The following ALK variants were observed in gnomAD, a reference collection of about 807,000 sequenced individuals.
The protein encoded by ALK is ALK tyrosine kinase receptor.
ALK carries 74 observed loss-of-function variants against 163.1 expected under a neutral mutation model. The observed-to-expected ratio is 0.45, with a 90% CI of 0.38 to 0.55. The LOEUF (loss-of-function observed/expected upper bound fraction) is 0.55, where lower values mean the gene tolerates loss of function less well. ALK is among the 20% of genes least tolerant of loss of function. The pLI, the probability that ALK is intolerant of heterozygous loss-of-function variation, is 0.00. For synonymous variants in ALK, 960 were observed against 843.2 expected, an observed-to-expected ratio of 1.14 and a Z score of -2.40; for missense variants, 2,063 against 2,105.3, an observed-to-expected ratio of 0.98 and a Z score of 0.39.
intron 4 of ALK, among the ~76,000 whole-genome samples, chr2:29,482,729 G>A (rs1213310936): frequency 4.3e-5 from 5 of 116,866 alleles, no homozygotes; most frequent in Admixed American, 9.1e-5. Context: ...CCGTAGGAGA[G>A]CAAAAACAAC....
chr2:29,864,132 GT>G (rs1187105913), intron 1 of ALK, among the ~76,000 whole-genome samples: 1 of 152,176 alleles, frequency 6.6e-6, no homozygotes, highest in African/African-American at 2.4e-5. Flanking sequence ...CATCCAGCTA[GT>G]ACCTGGGCAG....
chr2:29,510,100 C>A (rs1263929094), intron 4 of ALK, among the ~76,000 whole-genome samples: 1 of 152,178 alleles, frequency 6.6e-6, no homozygotes. Flanking sequence ...TGGCTTCTCT[C>A]ACAGGGAAGG....
intron 1 of ALK, among the ~76,000 whole-genome samples, chr2:29,738,317 T>C (rs1437202313): frequency 6.6e-6 from 1 of 152,034 alleles, no homozygotes; most frequent in South Asian, 2.1e-4. Flanking sequence ...AAACGATATA[T>C]TATAAATTTG....
chr2:29,806,276 G>A (rs1664612389), intron 1 of ALK, among the ~76,000 whole-genome samples: 1 of 152,138 alleles, frequency 6.6e-6, no homozygotes, highest in Non-Finnish European at 1.5e-5. Flanking sequence ...CTGTCAGTGG[G>A]GAGAGGTGTG....
intron 1 of ALK, among the ~76,000 whole-genome samples, chr2:29,874,765 G>T (rs1666662146): frequency 6.6e-6 from 1 of 152,128 alleles, no homozygotes; most frequent in South Asian, 2.1e-4. Flanking sequence ...TATCAGAGGG[G>T]CCTTTGTAAA....
intron 3 of ALK, among the ~76,000 whole-genome samples, chr2:29,682,614 G>C (rs1445816298): frequency 6.6e-6 from 1 of 152,112 alleles, no homozygotes; most frequent in African/African-American, 2.4e-5. Flanking sequence ...TCTACATAAT[G>C]ATACTTTAAT....
chr2:29,367,506 C>G (rs961375527), intron 5 of ALK, among the ~76,000 whole-genome samples: 2 of 152,170 alleles, frequency 1.3e-5, no homozygotes, highest in African/African-American at 4.8e-5. Flanking sequence ...TTCAACAGTA[C>G]AAAATTGTAT....
chr2:29,748,112 G>A (rs139367810), intron 1 of ALK, among the ~76,000 whole-genome samples: 1 of 152,188 alleles, frequency 6.6e-6, no homozygotes, highest in Admixed American at 6.5e-5. Context: ...TTCTTAAAGG[G>A]GTTGCAAGAC....
intron 3 of ALK, among the ~76,000 whole-genome samples, chr2:29,562,800 G>A (rs973700046): frequency 3.9e-5 from 6 of 152,218 alleles, no homozygotes; most frequent in African/African-American, 1.2e-4. Flanking sequence ...TTAGCCTTCT[G>A]TCAAGTGCTC....
intron 2 of ALK, among the ~76,000 whole-genome samples, chr2:29,701,380 T>C (rs1162090624): frequency 6.6e-6 from 1 of 152,156 alleles, no homozygotes; most frequent in Admixed American, 6.5e-5. Flanking sequence ...CAGGTGAATG[T>C]AGGGTGGCAG....
intron 4 of ALK, among the ~76,000 whole-genome samples, chr2:29,440,999 CG>C (rs1328662224): frequency 6.6e-6 from 1 of 152,192 alleles, no homozygotes; most frequent in Non-Finnish European, 1.5e-5. Context: ...GCCAAGTCTC[CG>C]GCTTCAATAG....
intron 23 of ALK, among the ~76,000 whole-genome samples, chr2:29,220,002 GTAGT>G (rs559095465): frequency 6.6e-6 from 1 of 152,176 alleles, no homozygotes; most frequent in Non-Finnish European, 1.5e-5. Context: ...AGTTGCTTGA[GTAGT>G]TACATGGCTG....
intron 1 of ALK, among the ~76,000 whole-genome samples, chr2:29,915,431 G>A (rs567470313): frequency 1.3e-5 from 2 of 152,216 alleles, no homozygotes; most frequent in African/African-American, 4.8e-5. Context: ...TGTTGGCCAG[G>A]CTGATCTCGA....
chr2:29,197,458 T>G, intron 27 of ALK, 84 bp downstream of exon 27: 1 of 1,589,800 alleles, frequency 6.3e-7, no homozygotes, highest in Non-Finnish European at 8.6e-7. Context: ...CCCTTCATCT[T>G]AAAGAAGCAT....
intron 3 of ALK, among the ~76,000 whole-genome samples, chr2:29,532,764 A>C (rs1262906385): frequency 1.3e-5 from 2 of 152,222 alleles, no homozygotes; most frequent in Non-Finnish European, 2.9e-5. Flanking sequence ...GTGTAAAAGC[A>C]CACCACCATT....
chr2:29,690,417 G>A (rs1031414737), intron 3 of ALK, among the ~76,000 whole-genome samples: 1 of 152,166 alleles, frequency 6.6e-6, no homozygotes. Flanking sequence ...CCATGAGTGA[G>A]GCCCTGGGGA....
At chr2:29,800,598 A>G (rs998936882) in intron 1 of ALK, among the ~76,000 whole-genome samples, 6 of 152,192 alleles carry the variant, frequency 3.9e-5, no homozygotes, top group African/African-American at 1.4e-4. Flanking sequence ...TAGGGTACCC[A>G]GGAATTTCCA....
chr2:29,456,855 T>C (rs767002696), intron 4 of ALK, among the ~76,000 whole-genome samples: 10 of 152,164 alleles, frequency 6.6e-5, no homozygotes, highest in Non-Finnish European at 1.0e-4. Flanking sequence ...CGTGTACTGG[T>C]TTCTTTCTTT....
chr2:29,824,606 A>AT (rs1235446087), intron 1 of ALK, among the ~76,000 whole-genome samples: 2 of 152,176 alleles, frequency 1.3e-5, no homozygotes, highest in African/African-American at 4.8e-5. Context: ...TTAAGATTTG[A>AT]TTGCCTGGCT....
Sources: allele counts gnomAD v4.1 joint callset (sites outside exome capture counted in the v4.1 genomes callset), GRCh38; gene constraint gnomAD v4.1.1; transcripts MANE v1.5; gene names NCBI Gene and HGNC (gene_info 2026-07-23, HGNC 2026-07-21).